Variants in ZNF44 observed in about 807,000 individuals in gnomAD.
ZNF44 encodes zinc finger protein 44, also known as gonadotropin inducible transcription repressor-2.
A neutral mutation model predicts 11.7 loss-of-function variants in ZNF44; 9 were observed. That is an observed-to-expected ratio of 0.77 (90% CI 0.46 to 1.35). ZNF44 has a LOEUF of 1.35. ZNF44 is among the 40% of genes most tolerant of loss of function. The pLI is 0.00. For synonymous variants in ZNF44, 224 were observed against 242.7 expected, an observed-to-expected ratio of 0.92 and a Z score of 0.72; for missense variants, 696 against 743.1, an observed-to-expected ratio of 0.94 and a Z score of 0.74.
rs1328212286 is a variant in ZNF44 at position 12,273,208 on chromosome 19, A to G, written c.1047T>C (p.Pro349=). The change falls in exon 4 of 4, where the codon CCT becomes CCC. Residue 349 remains proline, a synonymous_variant. Transcript: ENST00000355684. The part of the protein sequence containing the change: ...CKICGKGFDF[P]GSARIHEGTH... ...TTCCTTCATGAATTCGTGCTGAACC[A>G]GGAAAATCAAAGCCTTTCCCACATA... is the stretch of plus-strand genomic sequence containing the variant. 1 of 1,614,052 alleles carries G rather than the reference A, an allele frequency of 6.2e-7. No homozygotes were observed. Among genetic ancestry groups the G allele is most frequent in the Non-Finnish European group, 8.5e-7 (1 of 1,179,952 alleles).
In ZNF44 at chr19:12,273,271, C is replaced by A. The variant is rs963459915; in HGVS notation, c.984G>T (p.Met328Ile). ...FCHLGSFQRH[M>I]IMHSGDGPHK... ...GAGGTCCATCTCCACTGTGCATTAT[C>A]ATGTGTCTTTGAAAGCTTCCAAGAT... Residue 328 changes from methionine (M) to isoleucine (I), a missense_variant, in exon 4 of 4, where the codon ATG (methionine) becomes ATT (isoleucine). Met to Ile is a conservative substitution (Grantham distance 10, BLOSUM62 1). Transcript: ENST00000355684. The A allele has an allele frequency of 9.9e-6, 16 of 1,613,706 alleles. No individual in the cohort carries two copies. Among genetic ancestry groups the A allele is most frequent in the South Asian group, 7.7e-5 (7 of 91,068 alleles).
chr19:12,293,970 C>T (rs1200277332), intron 1 of ZNF44, among the ~76,000 whole-genome samples: 1 of 151,834 alleles, frequency 6.6e-6, no homozygotes, highest in Non-Finnish European at 1.5e-5. Context: ...AGATATTAAC[C>T]AGGTGCCCTC....
In ZNF44 at chr19:12,271,998, CTT is replaced by C. The variant is rs572164083; in HGVS notation, c.*407_*408del. ...CAACTCTATTTGAAAGAAATGGAAA[CTT>C]TTTTTTTTTTTTTTGAGATGGAGTC... On this transcript the variant is annotated 3_prime_UTR_variant, in exon 4 of 4. Coordinates refer to ENST00000355684, the MANE Select transcript of ZNF44 (RefSeq NM_016264.4). The C allele has an allele frequency of 4.2e-4, 60 of 141,714 alleles. No homozygotes were observed. The highest frequency in any genetic ancestry group is 5.4e-4 in the Non-Finnish European group (35 of 64,954). The allele number at this position is 141,714 out of a possible 1,614,324, so 8.8% of individuals were successfully genotyped here.
intron 1 of ZNF44, 122 bp downstream of exon 1, chr19:12,294,570 G>A: frequency 7.4e-7 from 1 of 1,353,308 alleles, no homozygotes; most frequent in South Asian, 1.4e-5. Context: ...GGTGCGCAGG[G>A]GGCGCTCAGG....
intron 2 of ZNF44, among the ~76,000 whole-genome samples, chr19:12,233,568 A>C (rs907922284): frequency 1.3e-5 from 2 of 151,832 alleles, no homozygotes; most frequent in East Asian, 1.9e-4. Flanking sequence ...AAAAAAAAAA[A>C]AAAACCTGAC....
At chr19:12,293,286 G>T in intron 1 of ZNF44, 1 of 1,537,020 alleles carries the variant, frequency 6.5e-7, no homozygotes, top group South Asian at 1.2e-5. Flanking sequence ...TGGGAAGAGT[G>T]ACCCAAGGGC....
intron 2 of ZNF44, among the ~76,000 whole-genome samples, chr19:12,275,650 A>T (rs1345269603): frequency 6.6e-6 from 1 of 152,206 alleles, no homozygotes; most frequent in Non-Finnish European, 1.5e-5. Flanking sequence ...CATCTCAAAA[A>T]AAAAGAAAAA....
chr19:12,251,573 G>GC (rs1204781864), intron 5 of ZNF44, among the ~76,000 whole-genome samples: 1 of 152,116 alleles, frequency 6.6e-6, no homozygotes, highest in Non-Finnish European at 1.5e-5. Flanking sequence ...TAGAGCTCAG[G>GC]CATGAGGAAT....
intron 1 of ZNF44, among the ~76,000 whole-genome samples, chr19:12,287,579 G>T (rs913818191): frequency 1.3e-5 from 2 of 152,114 alleles, no homozygotes; most frequent in African/African-American, 4.8e-5. Context: ...CTGTGTCTGA[G>T]TTGTTTCACT....
At chr19:12,268,145 G>GACACACACACACACACACACACAC (rs71166661), downstream of ZNF44, among the ~76,000 whole-genome samples, 34 of 136,850 alleles carry the variant, frequency 2.5e-4, no homozygotes, top group African/African-American at 9.3e-4. Flanking sequence ...CACACACACA[G>GACACACACACACACACACACACAC]ACACACACAC....
intron 1 of ZNF44, among the ~76,000 whole-genome samples, chr19:12,290,675 G>A (rs1043742261): frequency 2.7e-5 from 4 of 150,028 alleles, no homozygotes; most frequent in African/African-American, 9.7e-5. Flanking sequence ...ACTCCAGCCT[G>A]GGCAACAGAG....
chr19:12,263,314 G>A (rs955906975), intron 5 of ZNF44, among the ~76,000 whole-genome samples: 5 of 151,910 alleles, frequency 3.3e-5, no homozygotes, highest in Non-Finnish European at 5.9e-5. Context: ...TCGAAGTCCC[G>A]ACCTCAGGTG....
Position 12,275,809 on chromosome 19 carries a change from T to G in ZNF44, c.130+147A>C, listed in dbSNP as rs1286728931. 8.9e-6 allele frequency: 9 copies of G among 1,006,006 alleles called. No individual in the cohort carries two copies. The East Asian group carries it at 2.8e-4, about 32-fold the overall frequency. The allele number at this position is 1,006,006 out of a possible 1,614,324, so 62.3% of individuals were successfully genotyped here. On this transcript the variant is annotated intron_variant, in intron 2 of 3. Coordinates refer to ENST00000355684, the MANE Select transcript of ZNF44 (RefSeq NM_016264.4). ...GCAGACAAAAGATTATATGAGGACA[T>G]ACAACAGGTTGGGGCCTGGCACTTC... is the stretch of plus-strand genomic sequence containing the variant.
chr19:12,268,889 G>A (rs891202695), downstream of ZNF44, among the ~76,000 whole-genome samples: 4 of 151,998 alleles, frequency 2.6e-5, no homozygotes, highest in Admixed American at 6.6e-5. Flanking sequence ...GACTACAGGC[G>A]TGCACCACTA....
chr19:12,256,520 G>A (rs1045940511), intron 5 of ZNF44, among the ~76,000 whole-genome samples: 2 of 151,976 alleles, frequency 1.3e-5, no homozygotes, highest in African/African-American at 4.8e-5. Flanking sequence ...TCTTCACTAT[G>A]TCAGAGAGGA....
intron 5 of ZNF44, among the ~76,000 whole-genome samples, chr19:12,253,839 C>T (rs953466441): frequency 1.3e-4 from 19 of 151,976 alleles, no homozygotes; most frequent in Non-Finnish European, 2.8e-4. Flanking sequence ...ATTAGCCAGG[C>T]GTGGTGGCAG....
Position 12,250,868 on chromosome 19 carries a change from T to C in ZNF44, c.1913-500A>G, listed in dbSNP as rs560621715. ...TGTAACAATATTTACCTGACCATATTGTCCTGAGGTACTCTAGGATATTCG... is the reference window on the plus strand; with the variant it reads ...TGTAACAATATTTACCTGACCATATCGTCCTGAGGTACTCTAGGATATTCG... On this transcript the variant is annotated intron_variant and NMD_transcript_variant, in intron 5 of 7. Transcript: ENST00000393337. The C allele has an allele frequency of 3.0e-4, 136 of 454,036 alleles. 1 individual carries two copies. Among genetic ancestry groups the C allele is most frequent in the South Asian group, 2.0e-3 (126 of 64,200 alleles). The allele number at this position is 454,036 out of a possible 1,614,324, so 28.1% of individuals were successfully genotyped here.
chr19:12,276,539 G>C (rs1027040734), intron 1 of ZNF44, among the ~76,000 whole-genome samples: 1 of 152,172 alleles, frequency 6.6e-6, no homozygotes, highest in Non-Finnish European at 1.5e-5. Context: ...ACTAATAAAG[G>C]GGGTGGAGTG....
chr19:12,270,957 T>TA (rs1966928680), downstream of ZNF44, among the ~76,000 whole-genome samples: 1 of 152,120 alleles, frequency 6.6e-6, no homozygotes, highest in South Asian at 2.1e-4. Context: ...CCAAGACTGA[T>TA]ACAGCAGTCA....
Sources: gnomAD v4.1 joint callset for allele counts (sites outside exome capture counted in the v4.1 genomes callset) on GRCh38, gnomAD v4.1.1 for gene constraint, MANE v1.5 for transcripts, NCBI Gene and HGNC (gene_info 2026-07-23, HGNC 2026-07-21) for gene names.